Variants in GSTO2 observed in about 807,000 individuals in gnomAD.
The protein encoded by GSTO2 is glutathione S-transferase omega 2.
Under a neutral mutation model 28.4 loss-of-function variants are expected in GSTO2, and 23 were observed. That is an observed-to-expected ratio of 0.81 (90% CI 0.58 to 1.15). The LOEUF is 1.15. Ranked by LOEUF, GSTO2 falls within the 50% of genes most tolerant of loss-of-function variation. The pLI, the probability that GSTO2 is intolerant of heterozygous loss-of-function variation, is 0.00. For synonymous variants in GSTO2, 109 were observed against 111.0 expected (o/e 0.98, Z 0.11); for missense variants, 298 against 297.8 (o/e 1.00, Z 0.00).
intron 5 of GSTO2, among the ~76,000 whole-genome samples, chr10:104,282,813 T>C (rs1324555235): frequency 2.0e-5 from 3 of 152,130 alleles, no homozygotes; most frequent in Non-Finnish European, 4.4e-5. Flanking sequence ...GGAAGACACA[T>C]TTTGTCAAAT....
chr10:104,277,995 T>G lies in GSTO2; in HGVS notation c.245T>G (p.Leu82Arg). 6.2e-7 allele frequency: 1 copy of G among 1,613,590 alleles called. No individual in the cohort carries two copies. ...GTCCTGGAGACCAGCCAATGTCAAC[T>G]GATCTATGAATCTGTTATTGCTTGT... ...IPVLETSQCQLIYESVIACEY... is the reference protein window; with the variant it reads ...IPVLETSQCQRIYESVIACEY... Residue 82 changes from leucine to arginine, a missense_variant, in exon 4 of 7, where the codon CTG (leucine) becomes CGG (arginine). Transcript: ENST00000338595.
intron 4 of GSTO2, among the ~76,000 whole-genome samples, chr10:104,278,407 C>T (rs1357880516): frequency 6.6e-6 from 1 of 152,188 alleles, no homozygotes; most frequent in Non-Finnish European, 1.5e-5. Context: ...AACTGGTGAT[C>T]CTTAAAGGGA....
rs577760438 is a variant in GSTO2, at chr10:104,270,045, G to T, written c.-232+776G>T. Among the ~76,000 whole-genome samples the T allele has an allele frequency of 3.4e-5, 5 of 147,234 alleles. No individual in the cohort carries two copies. In the East Asian group the frequency reaches 9.8e-4, roughly 29 times the overall value. ...TTTTTTTTTTTTGAGACGGAGTCTC[G>T]CTGTTCTGCCCAGGCCGGACTGCAG... On this transcript the variant is annotated intron_variant, in intron 1 of 6. Coordinates refer to ENST00000338595, the MANE Select transcript of GSTO2 (RefSeq NM_183239.2).
At chr10:104,294,248 A>C (rs2012921688) in intron 5 of GSTO2, among the ~76,000 whole-genome samples, 1 of 152,140 alleles carries the variant, frequency 6.6e-6, no homozygotes, top group Non-Finnish European at 1.5e-5. Flanking sequence ...TCCTTTGTGT[A>C]ATGATCATGG....
At chr10:104,282,004 A>G (rs555745921) in intron 5 of GSTO2, among the ~76,000 whole-genome samples, 54 of 152,228 alleles carry the variant, frequency 3.5e-4, no homozygotes, top group African/African-American at 1.3e-3. Context: ...AGGGTGGACC[A>G]GAGTCAGATG....
rs150010195 is a variant in GSTO2 at position 104,299,236 on chromosome 10, T to A, written c.684T>A (p.Asn228Lys). Residue 228 changes from asparagine (N) to lysine (K), a missense_variant, in exon 7 of 7, where the codon AAT (asparagine) becomes AAA (lysine). By Grantham distance (94) the Asn-to-Lys change is moderately conservative (BLOSUM62 0). Transcript: ENST00000338595. ...MDKSIFQGFLNLYFQNNPNAF... is the reference protein window; with the variant it reads ...MDKSIFQGFLKLYFQNNPNAF... ...AGAGCATTTTCCAGGGCTTCTTGAA[T>A]CTCTATTTTCAGAACAACCCTAATG... 1.9e-6 allele frequency: 3 copies of A among 1,614,170 alleles called. No homozygotes were observed. Among genetic ancestry groups the A allele is most frequent in the Non-Finnish European group, 2.5e-6 (3 of 1,180,028 alleles).
chr10:104,283,684 A>G (rs2012224384), intron 5 of GSTO2, among the ~76,000 whole-genome samples: 1 of 152,210 alleles, frequency 6.6e-6, no homozygotes, highest in Admixed American at 6.5e-5. Flanking sequence ...ATCTGAAAAC[A>G]TGACCAATGT....
chr10:104,279,496 G>T, intron 5 of GSTO2, 25 bp downstream of exon 5: 1 of 1,521,714 alleles, frequency 6.6e-7, no homozygotes, highest in Non-Finnish European at 9.1e-7. Flanking sequence ...CCCTCTCCTG[G>T]TCAGCTACAG....
chr10:104,287,175 C>T (rs926689314), intron 5 of GSTO2, among the ~76,000 whole-genome samples: 3 of 152,180 alleles, frequency 2.0e-5, no homozygotes, highest in Non-Finnish European at 4.4e-5. Flanking sequence ...AACTCAGTCT[C>T]CTGAGTAGCT....
chr10:104,272,863 C>T (rs1015535710), intron 1 of GSTO2, among the ~76,000 whole-genome samples: 5 of 152,124 alleles, frequency 3.3e-5, no homozygotes, highest in African/African-American at 7.2e-5. Flanking sequence ...CCGCCCGCCT[C>T]GGCCTCCCAA....
At chr10:104,280,167 A>C (rs2011944971) in intron 5 of GSTO2, among the ~76,000 whole-genome samples, 1 of 45,124 alleles carries the variant, frequency 2.2e-5, no homozygotes, top group Non-Finnish European at 4.2e-5. Context: ...AGGACTGACA[A>C]AAAAAAAAAA....
rs142597418 is a variant in GSTO2, at chr10:104,299,178, G to A, written c.626G>A (p.Trp209Ter). Residue 209 changes from tryptophan (W) to a stop codon, truncating the protein, a stop_gained, in exon 7 of 7, where the codon TGG (tryptophan) becomes TAG (stop). Coordinates refer to ENST00000338595, the MANE Select transcript of GSTO2 (RefSeq NM_183239.2). LOFTEE classifies it high-confidence loss of function. ...CGGCTCTGGATATCAGCCATGAAGT[G>A]GGACCCCACAGTCTGTGCTCTTCTC... ...ALRLWISAMKWDPTVCALLMD... is the reference protein window; with the variant it reads ...ALRLWISAMK 989 of 1,614,186 alleles carry A rather than the reference G, an allele frequency of 6.1e-4. 2 individuals are homozygous for A. The highest frequency in any genetic ancestry group is 7.7e-4 in the Non-Finnish European group (911 of 1,180,028).
rs768279768 is a variant in GSTO2 at position 104,272,587 on chromosome 10, C to CTTTTT, written c.-231-2058_-231-2054dup. Among the ~76,000 whole-genome samples the CTTTTT allele has an allele frequency of 3.1e-3, 153 of 49,294 alleles. 32 individuals are homozygous for CTTTTT. The highest frequency in any genetic ancestry group is 4.5e-3 in the Non-Finnish European group (120 of 26,480). 32.3% of individuals were successfully genotyped at this position (49,294 alleles called of 152,430 possible). A position where few individuals can be genotyped will look rare whatever the true frequency, so the allele number is the denominator to read the frequency against. ...GAATCAAAATAGAACAGTTATGGGACTTTTTTTTTTTTTTTTTTTTTTTTT... is the reference window on the plus strand; with the variant it reads ...GAATCAAAATAGAACAGTTATGGGACTTTTTTTTTTTTTTTTTTTTTTTTTTTTTT... On this transcript the variant is annotated intron_variant, in intron 1 of 6. Coordinates refer to ENST00000338595, the MANE Select transcript of GSTO2 (RefSeq NM_183239.2).
chr10:104,282,872 A>G (rs376883057), intron 5 of GSTO2, among the ~76,000 whole-genome samples: 2 of 152,200 alleles, frequency 1.3e-5, no homozygotes, highest in East Asian at 1.9e-4. Context: ...TAGAAGAACA[A>G]TGTATGGTCT....
chr10:104,280,361 C>A (rs750766506), intron 5 of GSTO2, among the ~76,000 whole-genome samples: 3 of 152,036 alleles, frequency 2.0e-5, no homozygotes, highest in Non-Finnish European at 2.9e-5. Context: ...CATCCAAGTT[C>A]CAGGCTCTGA....
chr10:104,285,143 A>G (rs2012343764), intron 5 of GSTO2, among the ~76,000 whole-genome samples: 1 of 152,170 alleles, frequency 6.6e-6, no homozygotes, highest in South Asian at 2.1e-4. Context: ...CATGTGCCTT[A>G]TGTGTAGCAG....
In GSTO2 at chr10:104,275,266, C is replaced by T. The variant is rs748845877; in HGVS notation, c.75C>T (p.Arg25=). 3 of 1,614,078 alleles carry T rather than the reference C, an allele frequency of 1.9e-6. No individual in the cohort carries two copies. The highest frequency in any genetic ancestry group is 1.7e-6 in the Non-Finnish European group (2 of 1,180,006). Residue 25 remains arginine, a synonymous_variant, in exon 3 of 7, where the codon CGC becomes CGT. Transcript: ENST00000338595. ...PPGPVPEGLI[R]IYSMRFCPYS... ...GGCCAGTCCCGGAGGGGCTGATCCG[C>T]ATCTACAGCATGAGGTTCTGCCCCT...
In GSTO2 at chr10:104,275,256, G is replaced by T. The variant is rs778208226; in HGVS notation, c.65G>T (p.Gly22Val). ...GSQPPGPVPE[G>V]LIRIYSMRFC... is the part of the protein sequence containing the mutation. Reference sequence around the variant, plus strand: ...CAGCCCCCAGGGCCAGTCCCGGAGGGGCTGATCCGCATCTACAGCATGAGG... The same window carrying T: ...CAGCCCCCAGGGCCAGTCCCGGAGGTGCTGATCCGCATCTACAGCATGAGG... Residue 22 changes from glycine to valine, a missense_variant, in exon 3 of 7, where the codon GGG (glycine) becomes GTG (valine). Gly to Val is a moderately radical substitution (Grantham distance 109). Coordinates refer to ENST00000338595, the MANE Select transcript of GSTO2 (RefSeq NM_183239.2). The T allele has an allele frequency of 6.2e-7, 1 of 1,613,968 alleles. No individual in the cohort carries two copies. Among genetic ancestry groups the T allele is most frequent in the Non-Finnish European group, 8.5e-7 (1 of 1,179,956 alleles).
rs550524051 is a variant in GSTO2, at chr10:104,300,434, G to C, written c.*1150G>C. ...AAAGACATTGGCTCTGTCCCTGGGA[G>C]CCCCCATCTCTCCACTTATCTTGGT... On this transcript the variant is annotated 3_prime_UTR_variant, in exon 7 of 7. Transcript: ENST00000338595. 2.6e-5 allele frequency: 4 copies of C among 152,452 alleles called. No homozygotes were observed. The South Asian group carries it at 8.3e-4, about 32-fold the overall frequency. The allele number at this position is 152,452 out of a possible 1,614,324, so 9.4% of individuals were successfully genotyped here. A position where few individuals can be genotyped will look rare whatever the true frequency, so the allele number is the denominator to read the frequency against.
Sources: allele counts gnomAD v4.1 joint callset (sites outside exome capture counted in the v4.1 genomes callset), GRCh38; gene constraint gnomAD v4.1.1; transcripts MANE v1.5; gene names NCBI Gene and HGNC (gene_info 2026-07-23, HGNC 2026-07-21).